Variants in COL22A1 observed in about 807,000 individuals in gnomAD.
The protein encoded by COL22A1 is collagen alpha-1(XXII) chain.
Under a neutral mutation model 248.9 loss-of-function variants are expected in COL22A1, and 221 were observed. That is an observed-to-expected ratio of 0.89 (90% CI 0.80 to 0.99). COL22A1 has a LOEUF of 0.99. Among genes scored for constraint, COL22A1 ranks in the 50% least tolerant of loss-of-function variants. The pLI is 0.00. For synonymous variants in COL22A1, 891 were observed against 793.4 expected (o/e 1.12, Z -2.07); for missense variants, 2,240 against 2,179.0 (o/e 1.03, Z -0.56).
chr8:138,788,505 C>T (rs910875931), intron 12 of COL22A1, among the ~76,000 whole-genome samples: 2 of 152,134 alleles, frequency 1.3e-5, no homozygotes, highest in Non-Finnish European at 2.9e-5. Flanking sequence ...GAGGTACTAT[C>T]ATGATTCTTT....
chr8:138,639,952 AC>A (rs1385138609), intron 47 of COL22A1, among the ~76,000 whole-genome samples: 3 of 152,238 alleles, frequency 2.0e-5, no homozygotes. Flanking sequence ...ATAGACGGCC[AC>A]CGCAATTACC....
intron 32 of COL22A1, among the ~76,000 whole-genome samples, chr8:138,698,173 G>T (rs1191609594): frequency 2.2e-4 from 33 of 152,204 alleles, no homozygotes; most frequent in Admixed American, 2.2e-3. Flanking sequence ...TCAGGGGCAG[G>T]GGGAGGCAAT....
chr8:138,601,497 A>C (rs1818006535), intron 60 of COL22A1, among the ~76,000 whole-genome samples: 1 of 152,300 alleles, frequency 6.6e-6, no homozygotes, highest in Non-Finnish European at 1.5e-5. Flanking sequence ...CGTGAGGCTG[A>C]CCAAACGCAG....
intron 12 of COL22A1, among the ~76,000 whole-genome samples, chr8:138,793,290 GCTATCAAT>G (rs1816227160): frequency 1.3e-5 from 2 of 152,066 alleles, no homozygotes; most frequent in Non-Finnish European, 2.9e-5. Context: ...CTCTCTAGAC[GCTATCAAT>G]TCCCTCGGCC....
chr8:138,783,395 G>T (rs1478557249), intron 12 of COL22A1, among the ~76,000 whole-genome samples: 1 of 152,110 alleles, frequency 6.6e-6, no homozygotes, highest in Non-Finnish European at 1.5e-5. Context: ...GCCAGTCCAG[G>T]TTCCAAAACT....
At chr8:138,829,614 A>T (rs1230407077) in intron 5 of COL22A1, among the ~76,000 whole-genome samples, 1 of 151,422 alleles carries the variant, frequency 6.6e-6, no homozygotes, top group Non-Finnish European at 1.5e-5. Context: ...AATTTTTTGT[A>T]TTTTTAGTAG....
chr8:138,821,145 C>A lies in COL22A1; in HGVS notation c.1236G>T (p.Val412=), dbSNP rs747318957. The part of the protein sequence containing the change: ...TVIGKRLYDS[V]PIDFDLQRIV... ...GCCCCCTGGTACTCACGTCAATGGG[C>A]ACACTGTCGTAGAGGCGCTTGCCAA... Residue 412 remains valine, a synonymous_variant, in exon 7 of 65, where the codon GTG becomes GTT. Transcript: ENST00000303045. 3 of 1,613,534 alleles carry A rather than the reference C, an allele frequency of 1.9e-6. No individual in the cohort carries two copies. In the African/African-American group the frequency reaches 4.0e-5, roughly 22 times the overall value.
chr8:138,815,117 C>T (rs1252639074), intron 7 of COL22A1, among the ~76,000 whole-genome samples: 1 of 152,174 alleles, frequency 6.6e-6, no homozygotes, highest in Non-Finnish European at 1.5e-5. Flanking sequence ...TCCTCATTCA[C>T]CTTCCACCAT....
At position 138,883,174 on chromosome 8, in the gene COL22A1, G is replaced by T; in HGVS notation, c.-2C>A. 6 of 1,581,544 alleles carry T rather than the reference G, an allele frequency of 3.8e-6. No individual in the cohort carries two copies. The South Asian group carries it at 6.9e-5, about 18-fold the overall frequency. ...AGCGTTCCCTCGGAGGCCGGCCATG[G>T]CTCTCCTGTTCTTGGGGACAGGCTT... On this transcript the variant is annotated 5_prime_UTR_variant, in exon 2 of 65. Coordinates refer to ENST00000303045, the MANE Select transcript of COL22A1 (RefSeq NM_152888.3).
chr8:138,700,036 A>G, intron 32 of COL22A1, 76 bp downstream of exon 32: 1 of 1,412,734 alleles, frequency 7.1e-7, no homozygotes, highest in Non-Finnish European at 1.0e-6. Flanking sequence ...CACCCAGTCC[A>G]GGCTCCCAGG....
At chr8:138,690,720 C>T (rs917295592) in intron 36 of COL22A1, 101 bp downstream of exon 36, 1 of 852,130 alleles carries the variant, frequency 1.2e-6, no homozygotes. Flanking sequence ...AGTAAGGATC[C>T]TCCCCTTACT....
rs539049633 is a variant in COL22A1, at chr8:138,654,063, T to C, written c.3333+1834A>G. Among the ~76,000 whole-genome samples the C allele has an allele frequency of 2.0e-5, 3 of 152,312 alleles. No homozygotes were observed. The South Asian group carries it at 6.2e-4, about 32-fold the overall frequency. On this transcript the variant is annotated intron_variant, in intron 45 of 64. Transcript: ENST00000303045. ...AAATATTGATTTGACTAAATATCTG[T>C]CTCAGTGCTATGGCCGTGAGGAATG...
At chr8:138,786,841 T>C (rs1313493974) in intron 12 of COL22A1, among the ~76,000 whole-genome samples, 1 of 152,062 alleles carries the variant, frequency 6.6e-6, no homozygotes, top group African/African-American at 2.4e-5. Flanking sequence ...GAGACGAAGG[T>C]TGCAGTGAGC....
chr8:138,818,325 C>T (rs1226667198), intron 7 of COL22A1, among the ~76,000 whole-genome samples: 1 of 152,310 alleles, frequency 6.6e-6, no homozygotes, highest in East Asian at 1.9e-4. Flanking sequence ...TCACCTGATA[C>T]TTTTCAGTTG....
At position 138,734,708 on chromosome 8, in the gene COL22A1, G is replaced by A. The variant is rs576473958; in HGVS notation, c.2139+2816C>T. On this transcript the variant is annotated intron_variant, in intron 23 of 64. Transcript: ENST00000303045. Reference sequence around the variant, plus strand: ...CCAAAGGATTATAAATCATTCTACCGTAAAGACACATGCACACGCATGTTT... The same window carrying A: ...CCAAAGGATTATAAATCATTCTACCATAAAGACACATGCACACGCATGTTT... Among the ~76,000 whole-genome samples the A allele has an allele frequency of 1.1e-4, 17 of 152,246 alleles. No individual in the cohort carries two copies. The East Asian group carries it at 1.2e-3, about 10-fold the overall frequency.
rs372303636 is a variant in COL22A1 at position 138,755,468 on chromosome 8, C to T, written c.1977+14G>A. On this transcript the variant is annotated intron_variant, in intron 20 of 64. Transcript: ENST00000303045. ...CCTAAATCCCCATGAGAAGAAGACG[C>T]GTGTGCCTCTTACCTGTTCCCCTTT... 5.8e-5 allele frequency: 94 copies of T among 1,612,636 alleles called. 1 individual carries two copies. In the African/African-American group the frequency reaches 7.3e-4, roughly 13 times the overall value.
At chr8:138,606,687 T>C (rs1369956466) in intron 57 of COL22A1, among the ~76,000 whole-genome samples, 1 of 152,084 alleles carries the variant, frequency 6.6e-6, no homozygotes, top group African/African-American at 2.4e-5. Flanking sequence ...CAAGGGTCTT[T>C]CCATTTGAAG....
intron 2 of COL22A1, among the ~76,000 whole-genome samples, chr8:138,881,759 T>A (rs1379711513): frequency 3.9e-5 from 6 of 152,170 alleles, no homozygotes; most frequent in African/African-American, 1.4e-4. Context: ...CAGTGACAGG[T>A]GGTCTCCCTG....
chr8:138,778,408 T>G lies in COL22A1; in HGVS notation c.1705-2A>C, dbSNP rs1351386796. ...GAGTCCAGGTGGTCCTTGGGGCCCC[T>G]GCAGAAGAGCATTTACAGAGTAAAG... On this transcript the variant is annotated splice_acceptor_variant, in intron 14 of 64. Transcript: ENST00000303045. LOFTEE classifies it high-confidence loss of function. 5 of 1,595,842 alleles carry G rather than the reference T, an allele frequency of 3.1e-6. No individual in the cohort carries two copies. The South Asian group carries it at 5.7e-5, about 18-fold the overall frequency.
Sources: allele counts gnomAD v4.1 joint callset (sites outside exome capture counted in the v4.1 genomes callset), GRCh38; gene constraint gnomAD v4.1.1; transcripts MANE v1.5; gene names NCBI Gene and HGNC (gene_info 2026-07-23, HGNC 2026-07-21).